Variants in COX7A2 observed in about 807,000 individuals in gnomAD.
COX7A2 encodes cytochrome c oxidase subunit 7A2, mitochondrial.
A neutral mutation model predicts 11.6 loss-of-function variants in COX7A2; 11 were observed. The ratio of observed to expected loss-of-function variants is 0.95; its 90% CI spans 0.60 to 1.57. The LOEUF is 1.57. Among genes scored for constraint, COX7A2 ranks in the 40% most tolerant of loss-of-function variants. COX7A2 has a pLI of 0.00. For synonymous variants in COX7A2, 30 were observed against 38.2 expected, an observed-to-expected ratio of 0.78 and a Z score of 0.79; for missense variants, 106 against 100.9, an observed-to-expected ratio of 1.05 and a Z score of -0.22.
intron 1 of COX7A2, among the ~76,000 whole-genome samples, chr6:75,249,446 A>T (rs1410723832): frequency 6.6e-6 from 1 of 152,234 alleles, no homozygotes; most frequent in African/African-American, 2.4e-5. Context: ...ACAGATCCTG[A>T]ATCTGCCATT....
In COX7A2 at chr6:75,237,976, G is replaced by A. The variant is rs1184992310; in HGVS notation, c.206C>T (p.Ala69Val). Residue 69 changes from alanine to valine, a missense_variant, in exon 4 of 4, where the codon GCC (alanine) becomes GTC (valine). Ala to Val is a moderately conservative substitution (Grantham distance 64). Transcript: ENST00000684430. ...MILTVGGTAY[A>V]IYELAVASFP... The stretch of plus-strand genomic sequence containing the variant: ...TGAAGCCACAGCCAGCTCATATATG[G>A]CATATGCTGTTCCTAAAAATAAAAA... The A allele has an allele frequency of 6.4e-7, 1 of 1,569,248 alleles. No individual in the cohort carries two copies. The highest frequency in any genetic ancestry group is 1.3e-5 in the African/African-American group (1 of 74,256).
chr6:75,238,968 T>A (rs1771407433), intron 3 of COX7A2, among the ~76,000 whole-genome samples: 1 of 151,872 alleles, frequency 6.6e-6, no homozygotes, highest in Non-Finnish European at 1.5e-5. Context: ...GTGTGTGCCA[T>A]CACACCCGAC....
intron 2 of COX7A2, chr6:75,240,925 G>C: frequency 3.2e-6 from 1 of 316,076 alleles, no homozygotes; most frequent in Non-Finnish European, 5.8e-6. Context: ...CTTTATTTAG[G>C]AAAAGCTAGA....
At chr6:75,242,291 G>A (rs952867624) in intron 1 of COX7A2, among the ~76,000 whole-genome samples, 1 of 152,024 alleles carries the variant, frequency 6.6e-6, no homozygotes, top group South Asian at 2.1e-4. Context: ...GATCACCTGA[G>A]GTAAGGAGTT....
At position 75,241,234 on chromosome 6, in the gene COX7A2, C is replaced by T. The variant is rs1771492053; in HGVS notation, c.50G>A (p.Ser17Asn). Residue 17 changes from serine (S) to asparagine (N), a missense_variant, in exon 2 of 4, where the codon AGC becomes AAC. Transcript: ENST00000684430. The part of the protein sequence containing the change: ...ALRQIGQRTI[S>N]TASRRHFKNK... The stretch of plus-strand genomic sequence containing the variant: ...TTTAAAATGCCTGCGGGAAGCAGTG[C>T]TTATCGTCCTCTGCCCAATCTGACG... 2 of 1,581,372 alleles carry T rather than the reference C, an allele frequency of 1.3e-6. No homozygotes were observed. Among genetic ancestry groups the T allele is most frequent in the Non-Finnish European group, 1.7e-6 (2 of 1,156,394 alleles).
At chr6:75,240,491 A>G (rs1427692036) in intron 2 of COX7A2, 106 bp from the exon 3 acceptor site, 1 of 686,220 alleles carries the variant, frequency 1.5e-6, no homozygotes, top group Non-Finnish European at 2.3e-6. Context: ...TTAAATCCCT[A>G]GAATTAAAGT....
chr6:75,243,666 C>T, intron 1 of COX7A2, 51 bp downstream of exon 1: 1 of 1,572,634 alleles, frequency 6.4e-7, no homozygotes, highest in Non-Finnish European at 8.7e-7. Context: ...GCCTCAGCCT[C>T]CTCTCCACTC....
upstream of COX7A2, among the ~76,000 whole-genome samples, chr6:75,246,698 T>C (rs373502645): frequency 6.6e-6 from 1 of 152,206 alleles, no homozygotes; most frequent in African/African-American, 2.4e-5. Context: ...CTATTGAGTA[T>C]AAAAATTCAA....
rs1452357929 is a variant in COX7A2 at position 75,242,972 on chromosome 6, G to A, written c.18+745C>T. Among the ~76,000 whole-genome samples the A allele has an allele frequency of 2.0e-5, 3 of 152,226 alleles. No homozygotes were observed. In the East Asian group the frequency reaches 5.8e-4, roughly 29 times the overall value. On this transcript the variant is annotated intron_variant, in intron 1 of 3. Coordinates refer to ENST00000684430, the MANE Select transcript of COX7A2 (RefSeq NM_001366293.2). ...CATTTTTCCTAAAAAATTTTAAAGAGGGTATACATCTTTTAAAGAAGAGAC... is the reference window on the plus strand; with the variant it reads ...CATTTTTCCTAAAAAATTTTAAAGAAGGTATACATCTTTTAAAGAAGAGAC...
chr6:75,249,703 G>T (rs537726899), intron 1 of COX7A2, among the ~76,000 whole-genome samples: 22 of 152,374 alleles, frequency 1.4e-4, no homozygotes, highest in African/African-American at 5.3e-4. Flanking sequence ...GGTTTGATTT[G>T]CAGAACAAAT....
chr6:75,243,851 G>C (rs1771612355), upstream of COX7A2: 16 of 1,608,408 alleles, frequency 9.9e-6, no homozygotes, highest in East Asian at 3.4e-4. Context: ...AAATCTTTCC[G>C]GGCCGAAGAG....
chr6:75,243,939 C>T (rs1771616387), upstream of COX7A2: 3 of 917,084 alleles, frequency 3.3e-6, no homozygotes, highest in Non-Finnish European at 5.0e-6. Context: ...AGCCGGCTCG[C>T]CGTCTCAGTC....
chr6:75,241,076 G>A, intron 2 of COX7A2, 100 bp downstream of exon 2: 2 of 1,407,450 alleles, frequency 1.4e-6, no homozygotes, highest in Non-Finnish European at 1.9e-6. Context: ...TGTTTATATT[G>A]TCATATGATC....
chr6:75,244,176 G>T (rs767487196), upstream of COX7A2, among the ~76,000 whole-genome samples: 2 of 152,184 alleles, frequency 1.3e-5, no homozygotes, highest in Non-Finnish European at 2.9e-5. Context: ...CCGAAATACA[G>T]CTCTGAAGCC....
At chr6:75,240,184 T>C (rs1771449274) in intron 3 of COX7A2, 117 bp downstream of exon 3, 1 of 733,766 alleles carries the variant, frequency 1.4e-6, no homozygotes. Flanking sequence ...TAGTAAGATA[T>C]CAAATTCTGG....
upstream of COX7A2, among the ~76,000 whole-genome samples, chr6:75,245,177 GA>G (rs1404336535): frequency 6.6e-6 from 1 of 152,144 alleles, no homozygotes; most frequent in Non-Finnish European, 1.5e-5. Flanking sequence ...ACAGATCTAA[GA>G]AGCTTATGAC....
At chr6:75,243,175 T>G (rs1369931917) in intron 1 of COX7A2, among the ~76,000 whole-genome samples, 1 of 152,148 alleles carries the variant, frequency 6.6e-6, no homozygotes, top group African/African-American at 2.4e-5. Context: ...TCAAAGTCGA[T>G]GGAGGGGTGA....
At chr6:75,238,759 A>G (rs1164119336) in intron 3 of COX7A2, among the ~76,000 whole-genome samples, 2 of 150,614 alleles carry the variant, frequency 1.3e-5, no homozygotes, top group Admixed American at 6.6e-5. Context: ...TTTAAAAACT[A>G]CTTACCAGAA....
At chr6:75,238,224 A>C (rs886903859) in intron 3 of COX7A2, among the ~76,000 whole-genome samples, 1 of 152,038 alleles carries the variant, frequency 6.6e-6, no homozygotes, top group Non-Finnish European at 1.5e-5. Flanking sequence ...AAAATGCAAA[A>C]ATTTTTAAAA....
Sources: allele counts gnomAD v4.1 joint callset (sites outside exome capture counted in the v4.1 genomes callset), GRCh38; gene constraint gnomAD v4.1.1; transcripts MANE v1.5; gene names NCBI Gene and HGNC (gene_info 2026-07-23, HGNC 2026-07-21).